CAST: variants seen among roughly 807,000 people sequenced by gnomAD.
CAST encodes the protein calpastatin.
In CAST, 76 loss-of-function variants were observed where a neutral mutation model predicts 119.6. The observed-to-expected ratio is 0.64, with a 90% CI of 0.53 to 0.77. CAST has a LOEUF of 0.77. Among genes scored for constraint, CAST ranks in the 30% least tolerant of loss-of-function variants. The pLI is 0.00. For synonymous variants in CAST, 319 were observed against 331.6 expected, an observed-to-expected ratio of 0.96 and a Z score of 0.41; for missense variants, 953 against 946.5, an observed-to-expected ratio of 1.01 and a Z score of -0.09.
intron 1 of CAST, among the ~76,000 whole-genome samples, chr5:96,619,734 C>T (rs1038232279): frequency 6.6e-6 from 1 of 150,540 alleles, no homozygotes; most frequent in Admixed American, 6.6e-5. Flanking sequence ...GGCACACCAT[C>T]TTTAAGAAGG....
At chr5:96,361,643 C>G in the CAST span, among the ~76,000 whole-genome samples, 1 of 152,064 alleles carries the variant, frequency 6.6e-6, no homozygotes, top group Non-Finnish European at 1.5e-5. Context: ...TGCTTCAGCT[C>G]ACCTTCCGTG....
the CAST span, among the ~76,000 whole-genome samples, chr5:96,012,130 A>G: frequency 6.6e-6 from 1 of 152,188 alleles, no homozygotes; most frequent in Non-Finnish European, 1.5e-5. Flanking sequence ...CTATCTCTAA[A>G]TCAGAGTTCT....
At chr5:96,565,493 C>T (rs1746450064) in intron 1 of CAST, among the ~76,000 whole-genome samples, 1 of 152,106 alleles carries the variant, frequency 6.6e-6, no homozygotes, top group African/African-American at 2.4e-5. Flanking sequence ...GACACATCCC[C>T]AAATCATACT....
chr5:96,019,251 G>T, the CAST span, among the ~76,000 whole-genome samples: 4 of 152,152 alleles, frequency 2.6e-5, no homozygotes, highest in Non-Finnish European at 5.9e-5. Context: ...TTAATGTGTT[G>T]TGTGTACTGG....
At chr5:96,294,847 A>G in the CAST span, among the ~76,000 whole-genome samples, 1 of 152,174 alleles carries the variant, frequency 6.6e-6, no homozygotes, top group Non-Finnish European at 1.5e-5. Context: ...TGTTATTTTC[A>G]TCCTGTATTG....
the CAST span, among the ~76,000 whole-genome samples, chr5:96,337,046 T>C: frequency 3.3e-5 from 5 of 152,128 alleles, no homozygotes; most frequent in African/African-American, 1.2e-4. Flanking sequence ...ATGAAACATA[T>C]TTGAAAAAAA....
chr5:96,327,663 AT>A, the CAST span, among the ~76,000 whole-genome samples: 2 of 152,234 alleles, frequency 1.3e-5, no homozygotes, highest in African/African-American at 4.8e-5. Context: ...TTAGCACAAA[AT>A]AAACGAGAAG....
chr5:96,611,505 A>G (rs180779768), intron 1 of CAST, among the ~76,000 whole-genome samples: 11 of 152,274 alleles, frequency 7.2e-5, no homozygotes, highest in African/African-American at 2.6e-4. Context: ...CTATTAAAAT[A>G]CTACAAGAAA....
intron 1 of CAST, among the ~76,000 whole-genome samples, chr5:96,640,881 A>C (rs1330089506): frequency 6.6e-6 from 1 of 152,034 alleles, no homozygotes; most frequent in African/African-American, 2.4e-5. Flanking sequence ...TTCTGGCAGC[A>C]CTCCCAGAAA....
At chr5:96,696,693 A>AAAAAAAAAATT (rs1452543473) in intron 3 of CAST, among the ~76,000 whole-genome samples, 1 of 149,176 alleles carries the variant, frequency 6.7e-6, no homozygotes, top group African/African-American at 2.4e-5. Flanking sequence ...TCCTAAAAAA[A>AAAAAAAAAATT]AAAAAATTAA....
chr5:96,487,451 T>G, the CAST span, among the ~76,000 whole-genome samples: 1 of 152,254 alleles, frequency 6.6e-6, no homozygotes, highest in Non-Finnish European at 1.5e-5. Flanking sequence ...ACATCAGTTA[T>G]AGTTTCATCA....
chr5:96,618,336 TAGTG>T (rs1217540864), intron 1 of CAST, among the ~76,000 whole-genome samples: 2 of 152,188 alleles, frequency 1.3e-5, no homozygotes, highest in Non-Finnish European at 2.9e-5. Flanking sequence ...CTCCTGGTCT[TAGTG>T]AGATGTGACA....
the CAST span, chr5:96,397,304 T>A: frequency 8.1e-6 from 13 of 1,600,816 alleles, no homozygotes; most frequent in Non-Finnish European, 1.1e-5. Flanking sequence ...AAAAGTAAGC[T>A]TGTGTTTTTT....
intron 1 of CAST, among the ~76,000 whole-genome samples, chr5:96,534,873 A>AGGAAGG (rs1443313954): frequency 8.5e-5 from 2 of 23,450 alleles, no homozygotes; most frequent in East Asian, 0.019. Flanking sequence ...AGGAAGGAGA[A>AGGAAGG]AGAAAGAAAA....
chr5:96,160,850 C>A, the CAST span, among the ~76,000 whole-genome samples: 4 of 152,274 alleles, frequency 2.6e-5, no homozygotes, highest in African/African-American at 9.6e-5. Flanking sequence ...ATTGGTATTT[C>A]CCCCAATGAT....
the CAST span, among the ~76,000 whole-genome samples, chr5:96,103,740 G>A: frequency 6.6e-6 from 1 of 151,894 alleles, no homozygotes; most frequent in Admixed American, 6.6e-5. Flanking sequence ...TGGGTCAAAT[G>A]GTATTTCTAG....
chr5:96,681,905 C>T (rs1275477851), intron 2 of CAST, among the ~76,000 whole-genome samples: 1 of 152,036 alleles, frequency 6.6e-6, no homozygotes, highest in Non-Finnish European at 1.5e-5. Context: ...TCCTCTTTAT[C>T]AGCTGTTTCG....
At chr5:96,156,159 A>G in the CAST span, among the ~76,000 whole-genome samples, 1 of 152,236 alleles carries the variant, frequency 6.6e-6, no homozygotes, top group Admixed American at 6.5e-5. Context: ...TGACTTTCCA[A>G]CTTTGGAATC....
At chr5:96,448,654 C>T in the CAST span, among the ~76,000 whole-genome samples, 2 of 152,188 alleles carry the variant, frequency 1.3e-5, no homozygotes, top group South Asian at 4.2e-4. Context: ...GGTTTAGTCA[C>T]TTTCAGGAAG....
Sources: allele counts gnomAD v4.1 joint callset (sites outside exome capture counted in the v4.1 genomes callset), GRCh38; gene constraint gnomAD v4.1.1; transcripts MANE v1.5; gene names NCBI Gene and HGNC (gene_info 2026-07-23, HGNC 2026-07-21).